WDFY2: variants seen among roughly 807,000 people sequenced by gnomAD.
WDFY2 encodes WD repeat and FYVE domain containing 2.
A neutral mutation model predicts 56.4 loss-of-function variants in WDFY2; 36 were observed. The observed-to-expected ratio is 0.64, with a 90% CI of 0.49 to 0.84. The LOEUF (loss-of-function observed/expected upper bound fraction) is 0.84, where lower values mean the gene tolerates loss of function less well. Ranked by LOEUF, WDFY2 falls within the 40% of genes least tolerant of loss-of-function variation. The pLI is 0.00. For missense variants in WDFY2, 444 were observed against 512.2 expected (o/e 0.87, Z 1.29); for synonymous variants, 176 against 183.7 (o/e 0.96, Z 0.34).
At chr13:51,676,483 T>C (rs141124304) in intron 3 of WDFY2, among the ~76,000 whole-genome samples, 2 of 152,370 alleles carry the variant, frequency 1.3e-5, no homozygotes, top group Non-Finnish European at 2.9e-5. Flanking sequence ...TTTTATTTAA[T>C]AGTTCAACTG....
chr13:51,670,536 C>CACACACAG (rs1485724613), intron 2 of WDFY2, among the ~76,000 whole-genome samples: 33 of 141,772 alleles, frequency 2.3e-4, no homozygotes, highest in South Asian at 1.6e-3. Flanking sequence ...CACACACACA[C>CACACACAG]AGATGTTTGC....
At chr13:51,663,463 CA>C in intron 2 of WDFY2, among the ~76,000 whole-genome samples, 1 of 152,150 alleles carries the variant, frequency 6.6e-6, no homozygotes, top group South Asian at 2.1e-4. Flanking sequence ...CTTTTGAATC[CA>C]TTCAAAAGAT....
chr13:51,649,266 C>T (rs1214804040), intron 1 of WDFY2, among the ~76,000 whole-genome samples: 8 of 152,210 alleles, frequency 5.3e-5, no homozygotes, highest in South Asian at 4.2e-4. Flanking sequence ...GTTTGTGCCT[C>T]GTGCTGGGAG....
rs777924876 is a variant in WDFY2 at position 51,659,583 on chromosome 13, CTT to C, written c.138-1009_138-1008del. ...TGGCTAGTATAATTCATGGTCGGGCCTTTTTGTTTGGTCAGAACATCATGATA... is the reference window on the plus strand; with the variant it reads ...TGGCTAGTATAATTCATGGTCGGGCCTTTGTTTGGTCAGAACATCATGATA... On this transcript the variant is annotated intron_variant, in intron 1 of 11. Coordinates refer to ENST00000298125, the MANE Select transcript of WDFY2 (RefSeq NM_052950.4). Among the ~76,000 whole-genome samples, 4 of 152,302 alleles carry C rather than the reference CTT, an allele frequency of 2.6e-5. No individual in the cohort carries two copies. In the East Asian group the frequency reaches 7.7e-4, roughly 29 times the overall value.
chr13:51,624,962 C>T (rs752718244), intron 1 of WDFY2, among the ~76,000 whole-genome samples: 8 of 152,186 alleles, frequency 5.3e-5, no homozygotes, highest in Non-Finnish European at 1.0e-4. Flanking sequence ...TTGTAGGCCA[C>T]GGTGAAGATT....
Position 51,675,175 on chromosome 13 carries a change from T to A in WDFY2, c.211T>A (p.Cys71Ser). The A allele has an allele frequency of 6.2e-7, 1 of 1,613,940 alleles. No individual in the cohort carries two copies. Among genetic ancestry groups the A allele is most frequent in the Non-Finnish European group, 8.5e-7 (1 of 1,179,874 alleles). The part of the protein sequence containing the change: ...PSVYHAMPSP[C>S]SCMSFNPETR... ...AACATGTTCATTTCTTTCAGCTCCA[T>A]GTTCATGCATGTCTTTTAACCCGGA... Residue 71 changes from cysteine to serine, a missense_variant, in exon 3 of 12, where the codon TGT becomes AGT. Transcript: ENST00000298125.
intron 1 of WDFY2, among the ~76,000 whole-genome samples, chr13:51,654,316 GCTAGTAAAGGGATTCC>G (rs561785313): frequency 2.0e-5 from 3 of 152,246 alleles, no homozygotes; most frequent in Admixed American, 2.0e-4. Flanking sequence ...CCTTTCCTTG[GCTAGTAAAGGGATTCC>G]CTGACCCCTT....
intron 2 of WDFY2, among the ~76,000 whole-genome samples, chr13:51,661,691 A>T (rs1180005880): frequency 6.6e-6 from 1 of 152,254 alleles, no homozygotes; most frequent in Non-Finnish European, 1.5e-5. Flanking sequence ...AATGATTTTC[A>T]AATTATCTTT....
At chr13:51,671,488 G>C (rs1955805633) in intron 2 of WDFY2, among the ~76,000 whole-genome samples, 1 of 152,080 alleles carries the variant, frequency 6.6e-6, no homozygotes, top group Admixed American at 6.5e-5. Flanking sequence ...GATTTTTCAA[G>C]TTTGTTGGCC....
At chr13:51,694,850 G>GCC (rs1951828864) in intron 3 of WDFY2, among the ~76,000 whole-genome samples, 1 of 151,562 alleles carries the variant, frequency 6.6e-6, no homozygotes, top group South Asian at 2.1e-4. Context: ...TTTTCACATA[G>GCC]TCCCATATTT....
intron 7 of WDFY2, among the ~76,000 whole-genome samples, chr13:51,746,548 G>GT (rs1953109447): frequency 6.6e-6 from 1 of 152,226 alleles, no homozygotes; most frequent in Admixed American, 6.5e-5. Flanking sequence ...AGGTTATAAA[G>GT]TTGATTTGCC....
chr13:51,703,694 ACTT>A, intron 4 of WDFY2, 44 bp downstream of exon 4: 2 of 1,520,898 alleles, frequency 1.3e-6, no homozygotes, highest in South Asian at 2.4e-5. Flanking sequence ...ATTCTAAAAT[ACTT>A]CTTGGTGGTT....
intron 1 of WDFY2, among the ~76,000 whole-genome samples, chr13:51,652,938 G>C (rs991906939): frequency 2.0e-5 from 3 of 152,112 alleles, no homozygotes; most frequent in South Asian, 2.1e-4. Context: ...TTTCCTGAAT[G>C]TGAATGTTGG....
At position 51,755,333 on chromosome 13, in the gene WDFY2, CCTGTT is replaced by C. The variant is rs1566237554; in HGVS notation, c.832-20_832-16del. On this transcript the variant is annotated intron_variant, in intron 8 of 11. Transcript: ENST00000298125. ...TTGTCCTGACTGCTGGCCACAGTGA[CCTGTT>C]CTGTGCTTTATTTGACAAGACCCCT... 2.5e-6 allele frequency: 4 copies of C among 1,609,788 alleles called. No homozygotes were observed. The highest frequency in any genetic ancestry group is 1.7e-6 in the Non-Finnish European group (2 of 1,176,138).
chr13:51,645,471 C>T (rs1017842107), intron 1 of WDFY2, among the ~76,000 whole-genome samples: 2 of 152,062 alleles, frequency 1.3e-5, no homozygotes, highest in East Asian at 1.9e-4. Context: ...GTAGACGCCC[C>T]GTCTTATTTT....
rs568122234 is a variant in WDFY2 at position 51,711,403 on chromosome 13, C to G, written c.334+7753C>G. ...GGCAAGGACTTCATGTCTAAAACAC[C>G]AAAAGCAATGGCAACAAAAGCCAAA... is the stretch of plus-strand genomic sequence containing the variant. On this transcript the variant is annotated intron_variant, in intron 4 of 11. Transcript: ENST00000298125. Among the ~76,000 whole-genome samples, 752 of 152,194 alleles carry G rather than the reference C, an allele frequency of 4.9e-3. 5 individuals are homozygous for G. The highest frequency in any genetic ancestry group is 0.014 in the African/African-American group (590 of 41,520).
chr13:51,722,832 C>T (rs1013125193), intron 5 of WDFY2, among the ~76,000 whole-genome samples: 9 of 152,212 alleles, frequency 5.9e-5, no homozygotes, highest in Non-Finnish European at 5.9e-5. Flanking sequence ...GTGTTCCTTC[C>T]CCACTTCACT....
At chr13:51,718,520 T>C (rs963757221) in intron 4 of WDFY2, among the ~76,000 whole-genome samples, 13 of 151,602 alleles carry the variant, frequency 8.6e-5, no homozygotes. Context: ...TGCTCTTGTT[T>C]ATTAACAACT....
At chr13:51,724,483 C>T (rs1212411465) in intron 5 of WDFY2, among the ~76,000 whole-genome samples, 1 of 152,158 alleles carries the variant, frequency 6.6e-6, no homozygotes, top group African/African-American at 2.4e-5. Flanking sequence ...GTGATCCGAC[C>T]GCCTCGGCCT....
Sources: gnomAD v4.1 joint callset for allele counts (sites outside exome capture counted in the v4.1 genomes callset) on GRCh38, gnomAD v4.1.1 for gene constraint, MANE v1.5 for transcripts, NCBI Gene and HGNC (gene_info 2026-07-23, HGNC 2026-07-21) for gene names.